The following EYA4 variants were observed in gnomAD, a reference collection of about 807,000 sequenced individuals.
The protein encoded by EYA4 is EYA transcriptional coactivator and phosphatase 4.
A neutral mutation model predicts 87.9 loss-of-function variants in EYA4; 31 were observed. That is an observed-to-expected ratio of 0.35 (90% confidence interval 0.27 to 0.48). The LOEUF (loss-of-function observed/expected upper bound fraction) is 0.48, where lower values mean the gene tolerates loss of function less well. Ranked by LOEUF, EYA4 falls within the 20% of genes least tolerant of loss-of-function variation. The probability of loss-of-function intolerance (pLI) is 0.99; values close to 1 mark genes in which losing one functional copy is unlikely to be tolerated. For synonymous variants in EYA4, 263 were observed against 270.6 expected (o/e 0.97, Z 0.28); for missense variants, 678 against 761.4 (o/e 0.89, Z 1.29).
intron 2 of EYA4, among the ~76,000 whole-genome samples, chr6:133,297,946 T>C (rs1779067121): frequency 1.3e-5 from 2 of 152,218 alleles, no homozygotes; most frequent in South Asian, 4.1e-4. Context: ...CACTAATGAT[T>C]GTTGCCTGAA....
intron 11 of EYA4, among the ~76,000 whole-genome samples, chr6:133,474,027 G>A (rs974784119): frequency 6.6e-6 from 1 of 152,034 alleles, no homozygotes; most frequent in Non-Finnish European, 1.5e-5. Context: ...ATACTTCAGG[G>A]AAGGAGATAT....
intron 10 of EYA4, among the ~76,000 whole-genome samples, chr6:133,465,255 T>C (rs1794746501): frequency 6.6e-6 from 1 of 152,200 alleles, no homozygotes; most frequent in Non-Finnish European, 1.5e-5. Flanking sequence ...CATAGGATTA[T>C]ACTACAGACT....
intron 3 of EYA4, among the ~76,000 whole-genome samples, chr6:133,400,866 T>G (rs1347828463): frequency 6.6e-6 from 1 of 152,114 alleles, no homozygotes; most frequent in Non-Finnish European, 1.5e-5. Flanking sequence ...AATTCTAACT[T>G]TTTTGCATAA....
At chr6:133,243,548 A>G (rs1774150567) in intron 1 of EYA4, among the ~76,000 whole-genome samples, 1 of 128,496 alleles carries the variant, frequency 7.8e-6, no homozygotes, top group East Asian at 2.7e-4. Context: ...AAAGTTGACG[A>G]TGGTTTTTTT....
intron 1 of EYA4, among the ~76,000 whole-genome samples, chr6:133,244,068 G>T (rs1033045610): frequency 1.3e-5 from 2 of 152,162 alleles, no homozygotes; most frequent in African/African-American, 2.4e-5. Context: ...AGCTTTGAAA[G>T]CAACATAATT....
At chr6:133,248,011 T>C (rs1355891609) in intron 1 of EYA4, 1 of 152,178 alleles carries the variant, frequency 6.6e-6, no homozygotes, top group Non-Finnish European at 1.5e-5. Flanking sequence ...TACTCTCCCT[T>C]CTATAACTTG....
chr6:133,474,134 A>G (rs1795517454), intron 11 of EYA4, among the ~76,000 whole-genome samples: 2 of 152,158 alleles, frequency 1.3e-5, no homozygotes, highest in South Asian at 4.1e-4. Context: ...TTAATTATCA[A>G]GATATCAGAG....
chr6:133,346,822 A>G lies in EYA4; in HGVS notation c.34-35570A>G, dbSNP rs143592042. Among the ~76,000 whole-genome samples, 523 of 152,228 alleles carry G rather than the reference A, an allele frequency of 3.4e-3. 7 individuals carry two copies. Among genetic ancestry groups the G allele is most frequent in the African/African-American group, 0.012 (499 of 41,536 alleles). On this transcript the variant is annotated intron_variant, in intron 2 of 19. Transcript: ENST00000355286. ...GAGTCTTAACCACACACCGTAAGGC[A>G]CCCAGAGTGTGAACTTTCCATATGA...
chr6:133,252,790 G>C (rs1440350955), intron 1 of EYA4, among the ~76,000 whole-genome samples: 5 of 152,096 alleles, frequency 3.3e-5, no homozygotes, highest in African/African-American at 1.2e-4. Flanking sequence ...AAATTGCAAA[G>C]ATACTTGAAA....
rs139266985 is a variant in EYA4 at position 133,445,491 on chromosome 6, A to C, written c.84-1139A>C. On this transcript the variant is annotated intron_variant, in intron 3 of 19. Coordinates refer to ENST00000355286, the MANE Select transcript of EYA4 (RefSeq NM_004100.5). ...TGAGAAATTCTCTCAACTTTTATTG[A>C]TCTTTATGTTTCTTTCTTCCATGAA... 1.8e-3 allele frequency among the ~76,000 whole-genome samples: 269 copies of C among 150,136 alleles called. 1 individual carries two copies. Among genetic ancestry groups the C allele is most frequent in the African/African-American group, 6.3e-3 (260 of 40,960 alleles).
intron 13 of EYA4, among the ~76,000 whole-genome samples, chr6:133,491,679 C>T (rs1797169183): frequency 6.6e-6 from 1 of 152,116 alleles, no homozygotes. Flanking sequence ...AGGCCCGGCG[C>T]AGTGGGTTAT....
At chr6:133,342,205 C>G (rs1205464659) in intron 2 of EYA4, among the ~76,000 whole-genome samples, 1 of 151,688 alleles carries the variant, frequency 6.6e-6, no homozygotes, top group Non-Finnish European at 1.5e-5. Flanking sequence ...TCTTCGGTAG[C>G]AGGGTGGAGT....
At chr6:133,345,110 T>C (rs1285033443) in intron 2 of EYA4, among the ~76,000 whole-genome samples, 3 of 152,178 alleles carry the variant, frequency 2.0e-5, no homozygotes, top group African/African-American at 7.2e-5. Context: ...ACTTTGTGTA[T>C]GTATGGGACC....
intron 2 of EYA4, among the ~76,000 whole-genome samples, chr6:133,293,001 A>G (rs771437948): frequency 6.6e-6 from 1 of 152,208 alleles, no homozygotes. Context: ...TTTGTTGGTC[A>G]TTCGTTGGCC....
intron 16 of EYA4, among the ~76,000 whole-genome samples, chr6:133,513,813 G>A (rs1445833269): frequency 6.6e-6 from 1 of 151,948 alleles, no homozygotes; most frequent in Admixed American, 6.6e-5. Flanking sequence ...GTTTCTTTAT[G>A]TGCTTCTCTT....
intron 6 of EYA4, 75 bp downstream of exon 6, chr6:133,456,723 C>A (rs1793945543): frequency 1.1e-6 from 1 of 881,834 alleles, no homozygotes; most frequent in Non-Finnish European, 1.9e-6. Flanking sequence ...GAATAAGCAA[C>A]ATAAGCATCC....
At chr6:133,387,046 C>T (rs755678476) in intron 3 of EYA4, among the ~76,000 whole-genome samples, 10 of 152,020 alleles carry the variant, frequency 6.6e-5, no homozygotes, top group Admixed American at 2.6e-4. Context: ...AATGACTTTC[C>T]GTTTTTTAAA....
intron 2 of EYA4, among the ~76,000 whole-genome samples, chr6:133,366,026 C>A (rs892779590): frequency 2.0e-5 from 3 of 152,130 alleles, no homozygotes; most frequent in African/African-American, 7.2e-5. Flanking sequence ...TATAAGAAAA[C>A]AGTTTTAGAG....
chr6:133,525,321 GT>G (rs1398182916), intron 19 of EYA4, 67 bp downstream of exon 19: 2 of 1,366,452 alleles, frequency 1.5e-6, no homozygotes, highest in East Asian at 4.7e-5. Flanking sequence ...CATTTCTGTA[GT>G]TTGGCCCAAT....
Sources: allele counts gnomAD v4.1 joint callset (sites outside exome capture counted in the v4.1 genomes callset), GRCh38; gene constraint gnomAD v4.1.1; transcripts MANE v1.5; gene names NCBI Gene and HGNC (gene_info 2026-07-23, HGNC 2026-07-21).